Variants in VPS13D observed in about 807,000 individuals in gnomAD.
VPS13D encodes intermembrane lipid transfer protein VPS13D.
Under a neutral mutation model 461.9 loss-of-function variants are expected in VPS13D, and 187 were observed. The ratio of observed to expected loss-of-function variants is 0.40; its 90% CI spans 0.36 to 0.46. The LOEUF (loss-of-function observed/expected upper bound fraction) is 0.46. Among genes scored for constraint, VPS13D ranks in the 20% least tolerant of loss-of-function variants. The pLI is 0.60. For missense variants in VPS13D, 4,711 were observed against 5,364.9 expected (o/e 0.88, Z 3.81); for synonymous variants, 1,951 against 1,986.3 (o/e 0.98, Z 0.47).
intron 40 of VPS13D, among the ~76,000 whole-genome samples, chr1:12,338,666 A>C (rs1157955697): frequency 1.3e-5 from 2 of 152,204 alleles, no homozygotes; most frequent in Admixed American, 1.3e-4. Context: ...TAAGTTTATA[A>C]AATACCCACT....
intron 1 of VPS13D, among the ~76,000 whole-genome samples, chr1:12,233,774 G>A (rs979480324): frequency 6.6e-6 from 1 of 152,146 alleles, no homozygotes; most frequent in African/African-American, 2.4e-5. Context: ...GCAGCCGGGC[G>A]CAGTGGCTCA....
At chr1:12,375,445 A>G (rs1238237817) in intron 55 of VPS13D, among the ~76,000 whole-genome samples, 1 of 152,204 alleles carries the variant, frequency 6.6e-6, no homozygotes, top group Non-Finnish European at 1.5e-5. Context: ...GTTCACACCA[A>G]TATTTCCAAT....
At chr1:12,460,038 A>T (rs560651364) in intron 66 of VPS13D, among the ~76,000 whole-genome samples, 163 bp from the exon 67 acceptor site, 1 of 151,606 alleles carries the variant, frequency 6.6e-6, no homozygotes, top group African/African-American at 2.4e-5. Context: ...TTAATGGGCA[A>T]ATCTGCAGGA....
chr1:12,363,837 C>T (rs1557734437), intron 52 of VPS13D, among the ~76,000 whole-genome samples: 1 of 151,158 alleles, frequency 6.6e-6, no homozygotes, highest in African/African-American at 2.4e-5. Flanking sequence ...GCTGTAGTCA[C>T]AGCTACTTAG....
At chr1:12,353,532 CAAAAAA>C (rs79787458) in intron 46 of VPS13D, among the ~76,000 whole-genome samples, 2 of 36,370 alleles carry the variant, frequency 5.5e-5, no homozygotes, top group African/African-American at 1.1e-4. Context: ...GACTGCATCT[CAAAAAA>C]AAAAAAAAAA....
intron 46 of VPS13D, among the ~76,000 whole-genome samples, chr1:12,353,273 C>T (rs867983587): frequency 5.9e-5 from 9 of 152,066 alleles, no homozygotes; most frequent in South Asian, 2.1e-4. Context: ...GTGGCTCACG[C>T]GTGTAATCCC....
intron 24 of VPS13D, among the ~76,000 whole-genome samples, chr1:12,297,359 T>G (rs1283408962): frequency 6.6e-6 from 1 of 152,186 alleles, no homozygotes; most frequent in Non-Finnish European, 1.5e-5. Flanking sequence ...TATGATGCAG[T>G]TTTTCTATGC....
Position 12,266,989 on chromosome 1 carries a change from C to T in VPS13D, c.1703C>T (p.Pro568Leu), listed in dbSNP as rs1641292029. The T allele has an allele frequency of 6.2e-7, 1 of 1,605,708 alleles. No homozygotes were observed. Among genetic ancestry groups the T allele is most frequent in the Non-Finnish European group, 8.5e-7 (1 of 1,177,404 alleles). ...RDLATEGTMF[P>L]LLVFPNPQKE... ...CTGGCTACAGAAGGAACTATGTTTC[C>T]TCTTCTAGTCTTCCCTAATCCAGTA... Residue 568 changes from proline to leucine, a missense_variant, in exon 14 of 70, where the codon CCT becomes CTT. This residue lies in a region of VPS13D where 4,411 missense variants were observed against 4,937.8 expected (regional missense o/e 0.89). Transcript: ENST00000620676.
intron 37 of VPS13D, among the ~76,000 whole-genome samples, chr1:12,330,215 A>C (rs1643295739): frequency 6.6e-6 from 1 of 152,152 alleles, no homozygotes; most frequent in South Asian, 2.1e-4. Flanking sequence ...CAGGAGTTCG[A>C]GACCAGCCTG....
intron 67 of VPS13D, 80 bp downstream of exon 67, chr1:12,460,476 A>G: frequency 7.8e-7 from 1 of 1,281,662 alleles, no homozygotes; most frequent in Non-Finnish European, 1.0e-6. Flanking sequence ...GATGTGTTTA[A>G]TTGTGCACTT....
chr1:12,386,189 T>C lies in VPS13D; in HGVS notation c.11489T>C (p.Leu3830Pro). The C allele has an allele frequency of 6.2e-7, 1 of 1,610,524 alleles. No homozygotes were observed. Among genetic ancestry groups the C allele is most frequent in the Non-Finnish European group, 8.5e-7 (1 of 1,178,522 alleles). The change falls in exon 60 of 70, where the codon CTT (leucine) becomes CCT (proline). Residue 3830 changes from leucine to proline, a missense_variant. Physicochemically the swap from Leu to Pro is moderately conservative, Grantham distance 98. This residue lies in a region of VPS13D where 4,411 missense variants were observed against 4,937.8 expected (regional missense o/e 0.89). Transcript: ENST00000620676. ...NPDTEQELEV[L>P]VRLEGGIGLS... ...CATATTTTGGTTTCCTTTCAGGTGCTTGTGAGGTTAGAAGGTGGAATTGGG... is the reference window on the plus strand; with the variant it reads ...CATATTTTGGTTTCCTTTCAGGTGCCTGTGAGGTTAGAAGGTGGAATTGGG...
At chr1:12,441,346 C>T (rs935215500) in intron 65 of VPS13D, among the ~76,000 whole-genome samples, 26 of 152,162 alleles carry the variant, frequency 1.7e-4, no homozygotes, top group Admixed American at 7.2e-4. Flanking sequence ...AGGCACTGTC[C>T]GGGGCGGGGG....
chr1:12,389,120 T>G (rs1273950900), intron 60 of VPS13D, among the ~76,000 whole-genome samples: 1 of 152,188 alleles, frequency 6.6e-6, no homozygotes, highest in Non-Finnish European at 1.5e-5. Context: ...GCAGAAAGCA[T>G]CCAGCATGGG....
chr1:12,383,298 T>G, intron 58 of VPS13D, 143 bp downstream of exon 58: 1 of 869,966 alleles, frequency 1.1e-6, no homozygotes, highest in Non-Finnish European at 1.7e-6. Flanking sequence ...GGATAGGATC[T>G]ACCTCACAAA....
chr1:12,352,965 CAAAAA>C (rs61588046), intron 46 of VPS13D, among the ~76,000 whole-genome samples: 25 of 17,574 alleles, frequency 1.4e-3, no homozygotes, highest in South Asian at 9.2e-3. Context: ...AACTCAGTCT[CAAAAA>C]AAAAAAAAAA....
In VPS13D at chr1:12,350,422, C is replaced by A. The variant is rs1264290722; in HGVS notation, c.9431+1048C>A. ...ATTAAACAATGTATTTGTAAATAAT[C>A]CATGGGTCAAAAAAGAGAAATCACA... On this transcript the variant is annotated intron_variant, in intron 46 of 69. Coordinates refer to ENST00000620676, the MANE Select transcript of VPS13D (RefSeq NM_015378.4). 2.0e-5 allele frequency among the ~76,000 whole-genome samples: 3 copies of A among 152,036 alleles called. No individual in the cohort carries two copies. The East Asian group carries it at 5.8e-4, about 29-fold the overall frequency.
chr1:12,304,487 T>G lies in VPS13D; in HGVS notation c.6217-19T>G. On this transcript the variant is annotated intron_variant, in intron 25 of 69. Transcript: ENST00000620676. ...CCTTCCCATTTCCTGCATTCTAGTT[T>G]TATTTTGTTCCTTCCCAGGAATCTG... 1 of 1,601,092 alleles carries G rather than the reference T, an allele frequency of 6.2e-7. No homozygotes were observed. Among genetic ancestry groups the G allele is most frequent in the Non-Finnish European group, 8.5e-7 (1 of 1,173,422 alleles).
intron 25 of VPS13D, among the ~76,000 whole-genome samples, chr1:12,301,944 C>T (rs1195024188): frequency 1.3e-5 from 2 of 152,164 alleles, no homozygotes; most frequent in East Asian, 3.9e-4. Context: ...AAGAATGATG[C>T]ATCCTTAGGT....
At chr1:12,400,113 G>A (rs1303845251) in intron 60 of VPS13D, 68 bp from the exon 61 acceptor site, 65 of 1,565,174 alleles carry the variant, frequency 4.2e-5, no homozygotes, top group Non-Finnish European at 5.4e-5. Context: ...CCCCACTCAA[G>A]CGTAAAAATG....
Sources: gnomAD v4.1 joint callset for allele counts (sites outside exome capture counted in the v4.1 genomes callset) on GRCh38, gnomAD v4.1.1 for gene constraint, gnomAD v4.1.1 regional missense constraint, MANE v1.5 for transcripts, NCBI Gene and HGNC (gene_info 2026-07-23, HGNC 2026-07-21) for gene names.